Variants in TOP1 observed in about 807,000 individuals in gnomAD.
TOP1 encodes the protein DNA topoisomerase I, also known as DNA topoisomerase 1.
In TOP1, 10 loss-of-function variants were observed where a neutral mutation model predicts 111.1. The ratio of observed to expected loss-of-function variants is 0.09; its 90% CI spans 0.06 to 0.15. TOP1 has a LOEUF of 0.15. Among genes scored for constraint, TOP1 ranks in the 10% least tolerant of loss-of-function variants. TOP1 has a pLI of 1.00. For missense variants in TOP1, 474 were observed against 926.7 expected (o/e 0.51, Z 6.34); for synonymous variants, 271 against 302.9 (o/e 0.89, Z 1.10).
At chr20:41,077,267 G>T (rs1035908325) in intron 4 of TOP1, among the ~76,000 whole-genome samples, 9 of 152,122 alleles carry the variant, frequency 5.9e-5, no homozygotes, top group African/African-American at 1.9e-4. Flanking sequence ...TTTCCTCTCT[G>T]CACTGCCAAT....
At position 41,064,478 on chromosome 20, in the gene TOP1, T is replaced by C. The variant is rs1324364967; in HGVS notation, c.155+2988T>C. On this transcript the variant is annotated intron_variant, in intron 3 of 20. Coordinates refer to ENST00000361337, the MANE Select transcript of TOP1 (RefSeq NM_003286.4). Reference sequence around the variant, plus strand: ...TTTTTCACCTCTTTCTAATGCACAGTCATTCCTTAACAGTTTTTGGCTGTC... The same window carrying C: ...TTTTTCACCTCTTTCTAATGCACAGCCATTCCTTAACAGTTTTTGGCTGTC... Among the ~76,000 whole-genome samples the C allele has an allele frequency of 2.6e-5, 4 of 152,224 alleles. No homozygotes were observed. The East Asian group carries it at 7.7e-4, about 29-fold the overall frequency.
At position 41,104,305 on chromosome 20, in the gene TOP1, G is replaced by T. The variant is rs184490166; in HGVS notation, c.1308+2952G>T. ...ATCATTCTGACTGCTGCTCTGCGGA[G>T]ACTGGATTGGACACAAACAAGAAGT... On this transcript the variant is annotated intron_variant, in intron 13 of 20. Coordinates refer to ENST00000361337, the MANE Select transcript of TOP1 (RefSeq NM_003286.4). Among the ~76,000 whole-genome samples, 9 of 152,320 alleles carry T rather than the reference G, an allele frequency of 5.9e-5. No individual in the cohort carries two copies. The East Asian group carries it at 1.7e-3, about 29-fold the overall frequency.
chr20:41,050,270 G>C (rs1415435355), intron 2 of TOP1, among the ~76,000 whole-genome samples: 5 of 152,150 alleles, frequency 3.3e-5, no homozygotes, highest in Non-Finnish European at 7.3e-5. Context: ...CACCTGCCTT[G>C]GCCTCCCAAA....
intron 2 of TOP1, among the ~76,000 whole-genome samples, chr20:41,056,745 G>C (rs1281451977): frequency 1.3e-5 from 2 of 152,164 alleles, no homozygotes; most frequent in Admixed American, 6.5e-5. Context: ...GCCTCCCAAA[G>C]TGTTGGGATT....
chr20:41,088,237 G>A (rs1409258363), intron 8 of TOP1, among the ~76,000 whole-genome samples: 1 of 152,084 alleles, frequency 6.6e-6, no homozygotes, highest in Non-Finnish European at 1.5e-5. Flanking sequence ...GGTGGCTCAC[G>A]CCTGTAATCC....
In TOP1 at chr20:41,114,366, A is replaced by T. The variant is rs931993298; in HGVS notation, c.1638+211A>T. Among the ~76,000 whole-genome samples, 1 of 152,248 alleles carries T rather than the reference A, an allele frequency of 6.6e-6. No homozygotes were observed. The highest frequency in any genetic ancestry group is 1.5e-5 in the Non-Finnish European group (1 of 68,036). ...AAGTTTGAGGCTGTAGTGTGCTGTG[A>T]TCACACCTGTGAATAGCCACTGTAC... On this transcript the variant is annotated intron_variant, in intron 15 of 20. Coordinates refer to ENST00000361337, the MANE Select transcript of TOP1 (RefSeq NM_003286.4). The surrounding 1 kb of genome is among the most constrained non-coding windows in gnomAD (Gnocchi z 4.5).
chr20:41,081,848 G>A (rs1028795484), intron 7 of TOP1, among the ~76,000 whole-genome samples: 1 of 152,134 alleles, frequency 6.6e-6, no homozygotes, highest in Admixed American at 6.5e-5. Flanking sequence ...AGCACCTGCT[G>A]TTCCTCTATC....
intron 3 of TOP1, among the ~76,000 whole-genome samples, chr20:41,063,547 C>T (rs1475647443): frequency 6.6e-6 from 1 of 152,188 alleles, no homozygotes; most frequent in Non-Finnish European, 1.5e-5. Flanking sequence ...GACTAATTTA[C>T]ATTCTCATCA....
intron 8 of TOP1, among the ~76,000 whole-genome samples, chr20:41,090,200 C>T (rs949248407): frequency 5.9e-5 from 9 of 152,086 alleles, no homozygotes; most frequent in Non-Finnish European, 8.8e-5. Flanking sequence ...GTCTCGAACT[C>T]CTGACCTCAA....
chr20:41,103,393 G>A (rs2034095054), intron 13 of TOP1, among the ~76,000 whole-genome samples: 1 of 152,156 alleles, frequency 6.6e-6, no homozygotes, highest in South Asian at 2.1e-4. Flanking sequence ...ACTGCTAAAT[G>A]TGGCCAGCTT....
rs1160301395 is a variant in TOP1, at chr20:41,067,901, A to G, written c.155+6411A>G. On this transcript the variant is annotated intron_variant, in intron 3 of 20. Coordinates refer to ENST00000361337, the MANE Select transcript of TOP1 (RefSeq NM_003286.4). The surrounding 1 kb of genome is among the most constrained non-coding windows in gnomAD (Gnocchi z 4.0). Reference sequence around the variant, plus strand: ...TTGTCCTCATGCAAGGTGCAAAACAAGGGAGTAGGTATTAAGAATCATTTC... The same window carrying G: ...TTGTCCTCATGCAAGGTGCAAAACAGGGGAGTAGGTATTAAGAATCATTTC... Among the ~76,000 whole-genome samples the G allele has an allele frequency of 6.6e-6, 1 of 152,218 alleles. No homozygotes were observed. The highest frequency in any genetic ancestry group is 1.9e-4 in the East Asian group (1 of 5,194).
intron 8 of TOP1, among the ~76,000 whole-genome samples, chr20:41,085,177 A>G (rs2033833618): frequency 6.6e-6 from 1 of 152,234 alleles, no homozygotes; most frequent in Non-Finnish European, 1.5e-5. Flanking sequence ...ATATGAAAGG[A>G]ATGATCTAAT....
chr20:41,116,797 T>C lies in TOP1; in HGVS notation c.1822+405T>C, dbSNP rs1394943382. On this transcript the variant is annotated intron_variant, in intron 17 of 20. Coordinates refer to ENST00000361337, the MANE Select transcript of TOP1 (RefSeq NM_003286.4). This position sits in a 1 kb window ranked among gnomAD's most constrained non-coding sequence, Gnocchi z 5.6. ...TTCCTTGAGGTTTCTGTCATTTTTTTCCCATAAGAGAGTAGATACTTTCTA... is the reference window on the plus strand; with the variant it reads ...TTCCTTGAGGTTTCTGTCATTTTTTCCCCATAAGAGAGTAGATACTTTCTA... Among the ~76,000 whole-genome samples, 4 of 152,206 alleles carry C rather than the reference T, an allele frequency of 2.6e-5. No individual in the cohort carries two copies. The highest frequency in any genetic ancestry group is 3.8e-4 in the East Asian group (2 of 5,200).
In TOP1 at chr20:41,029,326, G is replaced by C. The variant is rs1426571270; in HGVS notation, c.34-105G>C. Reference sequence around the variant, plus strand: ...CCTCTGTGGCCACCCCCGGGTCCCCGTCCTCCCCGGGGGCGCAGGGTGAGC... The same window carrying C: ...CCTCTGTGGCCACCCCCGGGTCCCCCTCCTCCCCGGGGGCGCAGGGTGAGC... On this transcript the variant is annotated intron_variant, in intron 1 of 20. Coordinates refer to ENST00000361337, the MANE Select transcript of TOP1 (RefSeq NM_003286.4). The surrounding 1 kb of genome is among the most constrained non-coding windows in gnomAD (Gnocchi z 6.1). 9.2e-7 allele frequency: 1 copy of C among 1,087,212 alleles called. No individual in the cohort carries two copies. Among genetic ancestry groups the C allele is most frequent in the Non-Finnish European group, 1.3e-6 (1 of 791,054 alleles). The allele number at this position is 1,087,212 out of a possible 1,614,324, so 67.3% of individuals were successfully genotyped here.
intron 7 of TOP1, 73 bp from the exon 8 acceptor site, chr20:41,084,389 T>C: frequency 1.2e-6 from 1 of 843,838 alleles, no homozygotes; most frequent in South Asian, 1.9e-5. Flanking sequence ...TTCTTCCTCA[T>C]GGCTCCCAAA....
rs373509534 is a variant in TOP1 at position 41,029,188 on chromosome 20, CG to C, written c.33+90del. ...GCAGGCCCCGACCCCAGCCCCGGCC[CG>C]GCAGCTTTGACAGGCCGGAGCCCCC... On this transcript the variant is annotated intron_variant, in intron 1 of 20. Transcript: ENST00000361337. This position sits in a 1 kb window ranked among gnomAD's most constrained non-coding sequence, Gnocchi z 6.1. 721 of 1,119,122 alleles carry C rather than the reference CG, an allele frequency of 6.4e-4. 3 individuals carry two copies. The African/African-American group carries it at 6.5e-3, about 10-fold the overall frequency. The allele number at this position is 1,119,122 out of a possible 1,614,324, so 69.3% of individuals were successfully genotyped here.
At position 41,071,801 on chromosome 20, in the gene TOP1, A is replaced by C. The variant is rs1469151583; in HGVS notation, c.156-4370A>C. The stretch of plus-strand genomic sequence containing the variant: ...TGTGTTGGAATCTTACCCCATACAG[A>C]TGCAAACTATGAACCAAGAAGTCAG... On this transcript the variant is annotated intron_variant, in intron 3 of 20. Coordinates refer to ENST00000361337, the MANE Select transcript of TOP1 (RefSeq NM_003286.4). This position sits in a 1 kb window ranked among gnomAD's most constrained non-coding sequence, Gnocchi z 4.3. Among the ~76,000 whole-genome samples, 1 of 152,202 alleles carries C rather than the reference A, an allele frequency of 6.6e-6. No homozygotes were observed. Among genetic ancestry groups the C allele is most frequent in the African/African-American group, 2.4e-5 (1 of 41,444 alleles).
At chr20:41,043,496 G>C (rs1467043300) in intron 2 of TOP1, among the ~76,000 whole-genome samples, 1 of 152,250 alleles carries the variant, frequency 6.6e-6, no homozygotes, top group Admixed American at 6.5e-5. Flanking sequence ...TTCAGTAGGA[G>C]AGGTGTGTTC....
rs967539654 is a variant in TOP1 at position 41,082,400 on chromosome 20, G to A, written c.507+1160G>A. 5.3e-5 allele frequency among the ~76,000 whole-genome samples: 8 copies of A among 152,198 alleles called. No homozygotes were observed. Among genetic ancestry groups the A allele is most frequent in the Non-Finnish European group, 1.2e-4 (8 of 68,034 alleles). ...CTATTATCATCTCCATTTTGCAGAT[G>A]CAGAAATAGAGTATAGAAATATTTA... On this transcript the variant is annotated intron_variant, in intron 7 of 20. Coordinates refer to ENST00000361337, the MANE Select transcript of TOP1 (RefSeq NM_003286.4). The surrounding 1 kb of genome is among the most constrained non-coding windows in gnomAD (Gnocchi z 4.1).
Sources: allele counts gnomAD v4.1 joint callset (sites outside exome capture counted in the v4.1 genomes callset), GRCh38; gene constraint gnomAD v4.1.1; non-coding constraint Gnocchi (gnomAD v3.1); transcripts MANE v1.5; gene names NCBI Gene and HGNC (gene_info 2026-07-23, HGNC 2026-07-21).